Variants in MARCHF1 observed in about 807,000 individuals in gnomAD.
MARCHF1 encodes the protein membrane associated ring-CH-type finger 1.
In MARCHF1, 40 loss-of-function variants were observed where a neutral mutation model predicts 54.2. The ratio of observed to expected loss-of-function variants is 0.74; its 90% confidence interval spans 0.57 to 0.96. The LOEUF is 0.96. Ranked by LOEUF, MARCHF1 falls within the 40% of genes least tolerant of loss-of-function variation. MARCHF1 has a pLI of 0.00. For missense variants in MARCHF1, 586 were observed against 656.5 expected (o/e 0.89, Z 1.17); for synonymous variants, 236 against 236.3 (o/e 1.00, Z 0.01).
intron 1 of MARCHF1, among the ~76,000 whole-genome samples, chr4:164,341,974 T>A (rs1729943947): frequency 6.6e-6 from 1 of 152,148 alleles, no homozygotes; most frequent in Admixed American, 6.5e-5. Flanking sequence ...CACATTTACA[T>A]TACCATCAAA....
At chr4:163,786,180 T>C (rs1247755251) in intron 4 of MARCHF1, among the ~76,000 whole-genome samples, 5 of 152,166 alleles carry the variant, frequency 3.3e-5, no homozygotes, top group South Asian at 4.1e-4. Flanking sequence ...TGTGTTGTTT[T>C]AAGCCACTAA....
At chr4:164,065,376 A>G (rs1754705344) in intron 2 of MARCHF1, among the ~76,000 whole-genome samples, 1 of 152,350 alleles carries the variant, frequency 6.6e-6, no homozygotes. Context: ...GGACATAGGC[A>G]TGGGCAAAGA....
chr4:163,965,908 G>C (rs975239658), intron 3 of MARCHF1, among the ~76,000 whole-genome samples: 1 of 152,126 alleles, frequency 6.6e-6, no homozygotes, highest in East Asian at 1.9e-4. Context: ...ATGAAGGAAA[G>C]GACATACTTT....
intron 1 of MARCHF1, among the ~76,000 whole-genome samples, chr4:164,123,283 A>C (rs997978188): frequency 6.6e-5 from 10 of 152,152 alleles, no homozygotes; most frequent in African/African-American, 2.2e-4. Flanking sequence ...GAAAACTGTA[A>C]AACACTGATG....
At chr4:164,061,828 T>C (rs979313418) in intron 2 of MARCHF1, among the ~76,000 whole-genome samples, 3 of 152,214 alleles carry the variant, frequency 2.0e-5, no homozygotes, top group African/African-American at 7.2e-5. Context: ...TCAATCTTTT[T>C]GCTGGTGGAC....
At chr4:163,737,214 A>ATTT (rs200485998) in intron 4 of MARCHF1, among the ~76,000 whole-genome samples, 7 of 43,594 alleles carry the variant, frequency 1.6e-4, no homozygotes, top group Non-Finnish European at 2.7e-4. Context: ...ATTTTTTTTA[A>ATTT]TTTTTTTTTT....
At chr4:164,337,725 A>G (rs1729792192) in intron 1 of MARCHF1, among the ~76,000 whole-genome samples, 1 of 152,210 alleles carries the variant, frequency 6.6e-6, no homozygotes, top group African/African-American at 2.4e-5. Context: ...GGTGGTGAGT[A>G]TGAGTTTTGC....
chr4:164,356,000 A>C (rs1730516199), intron 1 of MARCHF1, among the ~76,000 whole-genome samples: 1 of 129,088 alleles, frequency 7.7e-6, no homozygotes, highest in Non-Finnish European at 1.8e-5. Context: ...ATGCAGCCAA[A>C]AAACACATGA....
intron 1 of MARCHF1, among the ~76,000 whole-genome samples, chr4:164,119,024 C>G (rs1030313621): frequency 3.4e-5 from 5 of 148,326 alleles, no homozygotes; most frequent in Non-Finnish European, 6.0e-5. Flanking sequence ...ATAAAGATAA[C>G]CTAAACAACA....
intron 4 of MARCHF1, among the ~76,000 whole-genome samples, chr4:163,848,573 T>C (rs1749551788): frequency 6.6e-6 from 1 of 152,194 alleles, no homozygotes; most frequent in Admixed American, 6.6e-5. Flanking sequence ...AATTTAATAT[T>C]GAAACTCTTA....
In MARCHF1 at chr4:163,577,579, G is replaced by C. The variant is rs74804491; in HGVS notation, c.1191+8170C>G. Among the ~76,000 whole-genome samples, 887 of 152,054 alleles carry C rather than the reference G, an allele frequency of 5.8e-3. 8 individuals are homozygous for C. The highest frequency in any genetic ancestry group is 0.02 in the African/African-American group (845 of 41,520). On this transcript the variant is annotated intron_variant, in intron 8 of 9. Transcript: ENST00000514618. Reference sequence around the variant, plus strand: ...TGCCTCAGTGATATTCATTTTGATAGTATCTTGCAGGTGTTCTCTGAATTT... The same window carrying C: ...TGCCTCAGTGATATTCATTTTGATACTATCTTGCAGGTGTTCTCTGAATTT...
At chr4:164,001,832 TG>T (rs997216090) in intron 2 of MARCHF1, among the ~76,000 whole-genome samples, 2 of 152,020 alleles carry the variant, frequency 1.3e-5, no homozygotes, top group African/African-American at 4.8e-5. Context: ...CTTGAGTCTT[TG>T]GTTACACACT....
At chr4:163,759,142 G>A (rs927116187) in intron 4 of MARCHF1, among the ~76,000 whole-genome samples, 1 of 150,148 alleles carries the variant, frequency 6.7e-6, no homozygotes, top group Admixed American at 6.6e-5. Context: ...AATTATTCAT[G>A]CTGGTTTCTT....
At position 163,619,376 on chromosome 4, in the gene MARCHF1, G is replaced by T. The variant is rs111368353; in HGVS notation, c.163-5983C>A. ...AGTTTGAGCAATCAAATCCCAACAG[G>T]TTGTTTTATTTTAAGATATGGTAAA... On this transcript the variant is annotated intron_variant, in intron 5 of 9. Transcript: ENST00000514618. Among the ~76,000 whole-genome samples, 59 of 152,154 alleles carry T rather than the reference G, an allele frequency of 3.9e-4. 1 individual carries two copies. The highest frequency in any genetic ancestry group is 1.4e-3 in the African/African-American group (57 of 41,518).
chr4:163,559,430 T>C (rs1739397291), intron 8 of MARCHF1, among the ~76,000 whole-genome samples: 1 of 152,124 alleles, frequency 6.6e-6, no homozygotes, highest in Non-Finnish European at 1.5e-5. Context: ...CCTTTCGAAC[T>C]AAGAAGAAGT....
chr4:164,280,629 A>C (rs1040356838), intron 1 of MARCHF1, among the ~76,000 whole-genome samples: 25 of 152,110 alleles, frequency 1.6e-4, no homozygotes, highest in Non-Finnish European at 7.4e-5. Context: ...CTAAACCCAG[A>C]AAATAGAAGG....
At chr4:163,825,596 C>A (rs1343703383) in intron 4 of MARCHF1, among the ~76,000 whole-genome samples, 1 of 151,978 alleles carries the variant, frequency 6.6e-6, no homozygotes, top group African/African-American at 2.4e-5. Context: ...CACAATCTTG[C>A]CAGCATCTGC....
At chr4:163,562,779 C>A (rs909010909) in intron 8 of MARCHF1, among the ~76,000 whole-genome samples, 4 of 152,228 alleles carry the variant, frequency 2.6e-5, no homozygotes, top group Admixed American at 2.6e-4. Context: ...ATGTTATTTC[C>A]CCAGATTTAC....
intron 2 of MARCHF1, among the ~76,000 whole-genome samples, chr4:164,108,835 T>A (rs13121346): frequency 0.7 from 106,391 of 151,858 alleles, 38,831 homozygotes; most frequent in Non-Finnish European, 0.82. Context: ...TATTACCTTA[T>A]GAAGCATAAT....
Sources: gnomAD v4.1 joint callset for allele counts (sites outside exome capture counted in the v4.1 genomes callset) on GRCh38, gnomAD v4.1.1 for gene constraint, MANE v1.5 for transcripts, NCBI Gene and HGNC (gene_info 2026-07-23, HGNC 2026-07-21) for gene names.